The following RPS6KC1 variants were observed in gnomAD, a reference collection of about 807,000 sequenced individuals.
RPS6KC1 encodes inactive ribosomal protein S6 kinase delta-1.
Under a neutral mutation model 103.8 loss-of-function variants are expected in RPS6KC1, and 54 were observed. The ratio of observed to expected loss-of-function variants is 0.52; its 90% CI spans 0.42 to 0.65. The LOEUF (loss-of-function observed/expected upper bound fraction) is 0.65, where lower values mean the gene tolerates loss of function less well. RPS6KC1 is among the 30% of genes least tolerant of loss of function. RPS6KC1 has a pLI of 0.00. For synonymous variants in RPS6KC1, 439 were observed against 438.7 expected (o/e 1.00, Z -0.01); for missense variants, 1,151 against 1,253.8 (o/e 0.92, Z 1.24).
At chr1:213,439,331 ATTC>A in the RPS6KC1 span, among the ~76,000 whole-genome samples, 3 of 150,128 alleles carry the variant, frequency 2.0e-5, no homozygotes, top group Admixed American at 2.0e-4. Flanking sequence ...ATGTTTTATA[ATTC>A]TTCTTGGCAG....
Position 213,230,482 on chromosome 1 carries a change from G to C in RPS6KC1, c.1045-15G>C. 6 of 1,559,968 alleles carry C rather than the reference G, an allele frequency of 3.8e-6. No individual in the cohort carries two copies. Among genetic ancestry groups the C allele is most frequent in the African/African-American group, 1.4e-5 (1 of 73,236 alleles). ...TTGTATTGTTAATAAATTATTACTCGTGTCTTTTATGTAGGTTTTACTTGT... is the reference window on the plus strand; with the variant it reads ...TTGTATTGTTAATAAATTATTACTCCTGTCTTTTATGTAGGTTTTACTTGT... On this transcript the variant is annotated splice_polypyrimidine_tract_variant and intron_variant, in intron 8 of 14. Transcript: ENST00000366960.
chr1:213,151,212 C>T (rs576475194), intron 6 of RPS6KC1, among the ~76,000 whole-genome samples: 79 of 123,948 alleles, frequency 6.4e-4, no homozygotes, highest in African/African-American at 2.0e-3. Context: ...GCTGGCCAGG[C>T]GGGGGGCTGA....
chr1:213,664,693 C>T, the RPS6KC1 span, among the ~76,000 whole-genome samples: 1 of 152,112 alleles, frequency 6.6e-6, no homozygotes, highest in African/African-American at 2.4e-5. Context: ...GAAACAATGC[C>T]CCTGCCTGGT....
At chr1:213,316,694 G>T in the RPS6KC1 span, among the ~76,000 whole-genome samples, 1 of 145,278 alleles carries the variant, frequency 6.9e-6, no homozygotes, top group African/African-American at 2.8e-5. Context: ...GGTAGGTAGG[G>T]CATGCAGTGT....
the RPS6KC1 span, among the ~76,000 whole-genome samples, chr1:213,705,969 AG>A: frequency 6.6e-6 from 1 of 152,202 alleles, no homozygotes; most frequent in Non-Finnish European, 1.5e-5. Context: ...TGCAAGACAA[AG>A]TCCTCCTTGC....
chr1:213,413,615 T>C, the RPS6KC1 span, among the ~76,000 whole-genome samples: 2 of 152,366 alleles, frequency 1.3e-5, no homozygotes, highest in African/African-American at 4.8e-5. Context: ...TACATCCTCA[T>C]TGGGCTACTT....
At chr1:213,809,649 T>C in the RPS6KC1 span, among the ~76,000 whole-genome samples, 11,673 of 152,240 alleles carry the variant, frequency 0.077, 1,411 homozygotes, top group African/African-American at 0.26. Flanking sequence ...ATGTACAGTA[T>C]CTTCCATATT....
chr1:213,460,118 G>T, the RPS6KC1 span, among the ~76,000 whole-genome samples: 1 of 152,290 alleles, frequency 6.6e-6, no homozygotes, highest in Admixed American at 6.5e-5. Context: ...CCAGAGCTGA[G>T]TTCAAGTCTT....
intron 3 of RPS6KC1, among the ~76,000 whole-genome samples, chr1:213,079,123 A>G (rs1489641000): frequency 1.3e-5 from 2 of 152,008 alleles, no homozygotes; most frequent in Non-Finnish European, 2.9e-5. Flanking sequence ...TTTCATGTCA[A>G]TAAAAAGATC....
At chr1:213,213,927 C>T (rs2093586377) in intron 8 of RPS6KC1, among the ~76,000 whole-genome samples, 2 of 152,216 alleles carry the variant, frequency 1.3e-5, no homozygotes, top group Admixed American at 1.3e-4. Context: ...GGAACAGCTC[C>T]AGTCTACAGC....
intron 2 of RPS6KC1, among the ~76,000 whole-genome samples, chr1:213,072,069 A>AT (rs1209240190): frequency 1.3e-5 from 2 of 150,312 alleles, no homozygotes; most frequent in Non-Finnish European, 3.0e-5. Context: ...ATATATCAGG[A>AT]TTTTTTCCGC....
At chr1:213,465,069 T>A in the RPS6KC1 span, among the ~76,000 whole-genome samples, 1 of 152,146 alleles carries the variant, frequency 6.6e-6, no homozygotes, top group African/African-American at 2.4e-5. Context: ...ATGCCTCAGT[T>A]CAGGACAACT....
intron 8 of RPS6KC1, among the ~76,000 whole-genome samples, chr1:213,212,987 A>T (rs1333900296): frequency 6.6e-6 from 1 of 152,172 alleles, no homozygotes; most frequent in Non-Finnish European, 1.5e-5. Flanking sequence ...TGTATCATTT[A>T]TAAATATTTT....
At chr1:213,646,543 G>A in the RPS6KC1 span, among the ~76,000 whole-genome samples, 13 of 152,166 alleles carry the variant, frequency 8.5e-5, no homozygotes, top group African/African-American at 2.4e-5. Context: ...GTCAGATACA[G>A]CTGTTGTCTT....
At chr1:213,247,836 C>A (rs1322445104) in intron 12 of RPS6KC1, among the ~76,000 whole-genome samples, 1 of 152,072 alleles carries the variant, frequency 6.6e-6, no homozygotes, top group African/African-American at 2.4e-5. Context: ...ATATTGATTT[C>A]TTATCTAATG....
the RPS6KC1 span, among the ~76,000 whole-genome samples, chr1:213,307,326 C>T: frequency 1.2e-4 from 18 of 152,066 alleles, no homozygotes; most frequent in African/African-American, 3.6e-4. Context: ...GCTGGGATTA[C>T]AAGCGTGAGT....
At chr1:213,666,513 A>G in the RPS6KC1 span, among the ~76,000 whole-genome samples, 2 of 152,248 alleles carry the variant, frequency 1.3e-5, no homozygotes, top group African/African-American at 4.8e-5. Flanking sequence ...AAGGATGGAC[A>G]TATTTAAAGA....
the RPS6KC1 span, among the ~76,000 whole-genome samples, chr1:213,325,396 G>A: frequency 6.6e-6 from 1 of 152,220 alleles, no homozygotes; most frequent in African/African-American, 2.4e-5. Context: ...GTAACCTGCA[G>A]AAACAAATAC....
chr1:213,465,448 T>G, the RPS6KC1 span, among the ~76,000 whole-genome samples: 1 of 152,188 alleles, frequency 6.6e-6, no homozygotes, highest in Non-Finnish European at 1.5e-5. Flanking sequence ...CACTCACTAG[T>G]TTCCTGATGT....
Sources: gnomAD v4.1 joint callset for allele counts (sites outside exome capture counted in the v4.1 genomes callset) on GRCh38, gnomAD v4.1.1 for gene constraint, MANE v1.5 for transcripts, NCBI Gene and HGNC (gene_info 2026-07-23, HGNC 2026-07-21) for gene names.